WARS2: variants seen among roughly 807,000 people sequenced by gnomAD.
WARS2 encodes the protein tryptophan--tRNA ligase, mitochondrial.
In WARS2, 28 loss-of-function variants were observed where a neutral mutation model predicts 36.5. That is an observed-to-expected ratio of 0.77 (90% CI 0.57 to 1.05). WARS2 has a LOEUF of 1.05. WARS2 is among the 50% of genes least tolerant of loss of function. WARS2 has a pLI of 0.00. For missense variants in WARS2, 435 were observed against 456.8 expected (o/e 0.95, Z 0.44); for synonymous variants, 174 against 178.4 (o/e 0.98, Z 0.20).
rs140142325 is a variant in WARS2, at chr1:119,115,304, G to C, written c.90+25251C>G. Among the ~76,000 whole-genome samples, 14 of 152,058 alleles carry C rather than the reference G, an allele frequency of 9.2e-5. No homozygotes were observed. In the East Asian group the frequency reaches 2.7e-3, roughly 29 times the overall value. ...CCCAATTAAAATATGGTCTTTTTTTGAAGTCTATGATGGAAGCATCCTAGC... is the reference window on the plus strand; with the variant it reads ...CCCAATTAAAATATGGTCTTTTTTTCAAGTCTATGATGGAAGCATCCTAGC... On this transcript the variant is annotated intron_variant, in intron 1 of 5. Transcript: ENST00000235521.
intron 4 of WARS2, among the ~76,000 whole-genome samples, chr1:119,036,087 C>T (rs1193472161): frequency 6.6e-6 from 1 of 152,032 alleles, no homozygotes; most frequent in East Asian, 1.9e-4. Flanking sequence ...GCCTGTAATC[C>T]CAGGTACTCC....
intron 1 of WARS2, chr1:119,126,820 T>C: frequency 2.7e-6 from 2 of 746,760 alleles, no homozygotes; most frequent in South Asian, 1.3e-5. Flanking sequence ...TCTCAGGTCA[T>C]GATTTCCATC....
intron 2 of WARS2, among the ~76,000 whole-genome samples, chr1:119,054,341 T>G (rs1476124559): frequency 6.6e-6 from 1 of 152,012 alleles, no homozygotes; most frequent in Non-Finnish European, 1.5e-5. Context: ...AAAACCATAA[T>G]GTGATATCAC....
chr1:119,048,022 T>C (rs947233771), intron 2 of WARS2, among the ~76,000 whole-genome samples: 2 of 152,344 alleles, frequency 1.3e-5, no homozygotes, highest in Non-Finnish European at 2.9e-5. Flanking sequence ...CAGGAAATAT[T>C]TGTTGAATGC....
chr1:119,042,472 T>C, intron 3 of WARS2, 123 bp from the exon 4 acceptor site: 1 of 783,620 alleles, frequency 1.3e-6, no homozygotes, highest in Non-Finnish European at 2.1e-6. Context: ...TGTAATAACA[T>C]TATACATCGG....
intron 1 of WARS2, among the ~76,000 whole-genome samples, chr1:119,098,735 G>A (rs1018047844): frequency 2.0e-5 from 3 of 148,570 alleles, no homozygotes; most frequent in South Asian, 2.1e-4. Flanking sequence ...CACCATGCCC[G>A]GGCTTTATTA....
intron 1 of WARS2, among the ~76,000 whole-genome samples, chr1:119,107,499 T>C (rs937474465): frequency 1.3e-5 from 2 of 152,124 alleles, no homozygotes; most frequent in Non-Finnish European, 1.5e-5. Context: ...AGCTGATGTC[T>C]AATCATTCCA....
intron 2 of WARS2, among the ~76,000 whole-genome samples, chr1:119,067,532 G>A (rs1650971383): frequency 6.6e-6 from 1 of 152,180 alleles, no homozygotes; most frequent in African/African-American, 2.4e-5. Context: ...AAGATAAAAA[G>A]AGGCATTGTC....
chr1:119,107,455 G>A (rs1654318801), intron 1 of WARS2, among the ~76,000 whole-genome samples: 1 of 151,742 alleles, frequency 6.6e-6, no homozygotes, highest in African/African-American at 2.4e-5. Context: ...TTAAGTGAAG[G>A]GTGTAGTGTC....
intron 1 of WARS2, among the ~76,000 whole-genome samples, chr1:119,109,366 A>G (rs918250071): frequency 1.3e-5 from 2 of 151,860 alleles, no homozygotes; most frequent in African/African-American, 4.8e-5. Context: ...GTATTTTTAC[A>G]CTTTGATGTT....
chr1:119,117,783 C>G (rs1655070096), intron 1 of WARS2, among the ~76,000 whole-genome samples: 1 of 152,172 alleles, frequency 6.6e-6, no homozygotes, highest in Non-Finnish European at 1.5e-5. Flanking sequence ...CAGCACTAGC[C>G]TGGATCCTGG....
intron 2 of WARS2, among the ~76,000 whole-genome samples, chr1:119,068,813 CCT>C (rs1283182508): frequency 1.4e-5 from 2 of 146,746 alleles, no homozygotes; most frequent in Non-Finnish European, 3.0e-5. Flanking sequence ...ACGACGTGTC[CCT>C]CTCTCTCTTA....
At chr1:119,068,687 G>A (rs1047474776) in intron 2 of WARS2, among the ~76,000 whole-genome samples, 14 of 152,178 alleles carry the variant, frequency 9.2e-5, no homozygotes, top group South Asian at 2.1e-4. Context: ...GCAGCTGTAC[G>A]ACTCAGACTG....
At chr1:119,133,434 T>G (rs1656249396) in intron 1 of WARS2, among the ~76,000 whole-genome samples, 1 of 152,224 alleles carries the variant, frequency 6.6e-6, no homozygotes, top group African/African-American at 2.4e-5. Context: ...TTGTAGTTAG[T>G]GCACAGGGTT....
chr1:119,060,655 G>T (rs183644207), intron 2 of WARS2, among the ~76,000 whole-genome samples: 1 of 152,136 alleles, frequency 6.6e-6, no homozygotes, highest in African/African-American at 2.4e-5. Flanking sequence ...GAGAACAATC[G>T]AAAGCAGGCA....
intron 2 of WARS2, among the ~76,000 whole-genome samples, chr1:119,072,476 A>G (rs940245025): frequency 1.3e-5 from 2 of 152,228 alleles, no homozygotes; most frequent in African/African-American, 4.8e-5. Flanking sequence ...AAACTTGATC[A>G]ATACATCAAA....
intron 1 of WARS2, among the ~76,000 whole-genome samples, chr1:119,134,852 G>C (rs1217470489): frequency 6.6e-6 from 1 of 152,182 alleles, no homozygotes; most frequent in Non-Finnish European, 1.5e-5. Context: ...TTGAACTCTT[G>C]AATGGTGGTA....
chr1:119,041,928 C>T (rs1025272684), intron 4 of WARS2, among the ~76,000 whole-genome samples: 12 of 152,158 alleles, frequency 7.9e-5, no homozygotes, highest in South Asian at 2.1e-4. Context: ...TCTGTAAAAT[C>T]GGGACAATAA....
intron 1 of WARS2, among the ~76,000 whole-genome samples, chr1:119,107,051 T>C (rs1654287391): frequency 6.6e-6 from 1 of 152,180 alleles, no homozygotes; most frequent in Non-Finnish European, 1.5e-5. Flanking sequence ...AATTCCCTAA[T>C]GATAAGTGAT....
Sources: gnomAD v4.1 joint callset for allele counts (sites outside exome capture counted in the v4.1 genomes callset) on GRCh38, gnomAD v4.1.1 for gene constraint, MANE v1.5 for transcripts, NCBI Gene and HGNC (gene_info 2026-07-23, HGNC 2026-07-21) for gene names.